The following ARSD variants were observed in gnomAD, a reference collection of about 807,000 sequenced individuals.
ARSD encodes the protein testis tissue sperm-binding protein Li 39a.
In ARSD, 21 loss-of-function variants were observed where a neutral mutation model predicts 32.6. That is an observed-to-expected ratio of 0.64 (90% CI 0.46 to 0.93). The LOEUF is 0.93. ARSD is among the 40% of genes least tolerant of loss of function. The pLI, the probability that ARSD is intolerant of heterozygous loss-of-function variation, is 0.00. For synonymous variants in ARSD, 224 were observed against 237.4 expected, an observed-to-expected ratio of 0.94 and a Z score of 0.52; for missense variants, 454 against 520.9, an observed-to-expected ratio of 0.87 and a Z score of 1.25.
Position 2,925,698 on chromosome X carries a change from C to A in ARSD, c.112G>T (p.Ala38Ser). The A allele has an allele frequency of 8.3e-7, 1 of 1,210,296 alleles. No homozygotes were observed. The highest frequency in any genetic ancestry group is 1.1e-6 in the Non-Finnish European group (1 of 894,542). The change falls in exon 2 of 10, where the codon GCC becomes TCC. Residue 38 changes from alanine to serine, a missense_variant. Ala to Ser is a moderately conservative substitution (Grantham distance 99). Coordinates refer to ENST00000381154, the MANE Select transcript of ARSD (RefSeq NM_001669.4). Reference protein sequence around the residue: ...LKTCEPKTANAFKPNILLIMA... With the variant: ...LKTCEPKTANSFKPNILLIMA... ...ATCAGTAGGATATTTGGTTTAAAGG[C>A]ATTTGCAGTTTTAGGTTCACACGTC... is the stretch of plus-strand genomic sequence containing the variant.
Position 2,915,546 on chromosome X carries a change from C to G in ARSD, c.1000+10G>C, listed in dbSNP as rs2088949207. ...AGGGTGGAGTGAGGCTCCATGGTAC[C>G]TTGACTTACCTATGAGCCAGTCCAT... On this transcript the variant is annotated intron_variant, in intron 6 of 9. Transcript: ENST00000381154. 1 of 1,209,105 alleles carries G rather than the reference C, an allele frequency of 8.3e-7. No homozygotes were observed. Among genetic ancestry groups the G allele is most frequent in the Non-Finnish European group, 1.1e-6 (1 of 894,603 alleles).
In ARSD at chrX:2,906,907, C is replaced by T. The variant is rs899737368; in HGVS notation, c.*364G>A. 16 of 134,747 alleles carry T rather than the reference C, an allele frequency of 1.2e-4. No homozygotes were observed. The highest frequency in any genetic ancestry group is 7.2e-4 in the Admixed American group (9 of 12,578). 11.1% of individuals were successfully genotyped at this position (134,747 alleles called of 1,213,427 possible). On this transcript the variant is annotated 3_prime_UTR_variant, in exon 10 of 10. Coordinates refer to ENST00000381154, the MANE Select transcript of ARSD (RefSeq NM_001669.4). ...GGTGGATGACTTGAGGTCAGGAGTG[C>T]GAGACCAGCCTGGGCAACATGGTGA...
chrX:2,914,442 G>A, intron 6 of ARSD: 1 of 477,577 alleles, frequency 2.1e-6, no homozygotes, highest in South Asian at 6.4e-5. Flanking sequence ...GTCTCACTAT[G>A]TTGCCCAGGC....
chrX:2,914,255 G>T, intron 6 of ARSD: 1 of 733,166 alleles, frequency 1.4e-6, no homozygotes, highest in Non-Finnish European at 1.6e-6. Context: ...TTGGAGACAG[G>T]GTCTTGCTAT....
chrX:2,928,645 A>G (rs2089114907), intron 1 of ARSD, among the ~76,000 whole-genome samples: 1 of 85,003 alleles, frequency 1.2e-5, no homozygotes, highest in Admixed American at 1.3e-4. Flanking sequence ...GACCCGGGGA[A>G]CACGGCCGTG....
chrX:2,928,487 A>C (rs1395468618), intron 1 of ARSD, among the ~76,000 whole-genome samples: 1 of 35,842 alleles, frequency 2.8e-5, no homozygotes, highest in African/African-American at 1.2e-4. Context: ...CGTGCTGGGA[A>C]GGCAAAGGGC....
At chrX:2,924,546 C>T (rs190614601) in intron 2 of ARSD, among the ~76,000 whole-genome samples, 4 of 113,314 alleles carry the variant, frequency 3.5e-5, no homozygotes, top group Non-Finnish European at 5.6e-5. Flanking sequence ...ACCACTCAAG[C>T]GCTCTGCTGG....
chrX:2,913,925 G>A lies in ARSD; in HGVS notation c.1000+1631C>T, dbSNP rs1241807942. 21 of 280,911 alleles carry A rather than the reference G, an allele frequency of 7.5e-5. No individual in the cohort carries two copies. The Admixed American group carries it at 9.7e-4, about 13-fold the overall frequency. The allele number at this position is 280,911 out of a possible 1,213,427, so 23.2% of individuals were successfully genotyped here. A position where few individuals can be genotyped will look rare whatever the true frequency, so the allele number is the denominator to read the frequency against. On this transcript the variant is annotated intron_variant, in intron 6 of 9. Transcript: ENST00000381154. ...GAGATCTGGTTGTTTAAAAGTGTGC[G>A]GCTCTTCCTCTCCTCTCTTGGTCCT... is the stretch of plus-strand genomic sequence containing the variant.
chrX:2,918,361 T>A, intron 4 of ARSD, 134 bp from the exon 5 acceptor site: 1 of 591,006 alleles, frequency 1.7e-6, no homozygotes, highest in Non-Finnish European at 2.6e-6. Flanking sequence ...GGAAAGGCAA[T>A]GAATGGATTG....
rs758989001 is a variant in ARSD, at chrX:2,907,638, T to G, written c.1421-6A>C. Reference sequence around the variant, plus strand: ...AACCTTCCAGACGCTTCCACCTGGATGCAGACAAGAAGGGAGTCAGGGTGG... The same window carrying G: ...AACCTTCCAGACGCTTCCACCTGGAGGCAGACAAGAAGGGAGTCAGGGTGG... On this transcript the variant is annotated splice_polypyrimidine_tract_variant and splice_region_variant and intron_variant, in intron 9 of 9. Coordinates refer to ENST00000381154, the MANE Select transcript of ARSD (RefSeq NM_001669.4). 1 of 1,100,699 alleles carries G rather than the reference T, an allele frequency of 9.1e-7. No homozygotes were observed. The highest frequency in any genetic ancestry group is 1.2e-6 in the Non-Finnish European group (1 of 841,298). The allele number at this position is 1,100,699 out of a possible 1,213,427, so 90.7% of individuals were successfully genotyped here. A position where few individuals can be genotyped will look rare whatever the true frequency, so the allele number is the denominator to read the frequency against.
chrX:2,913,335 A>G (rs2088918387), intron 6 of ARSD: 1 of 131,139 alleles, frequency 7.6e-6, no homozygotes, highest in East Asian at 2.7e-4. Context: ...ATCAGAGTTA[A>G]GGTCTGTGTG....
At chrX:2,927,633 G>C (rs969080654) in intron 1 of ARSD, among the ~76,000 whole-genome samples, 1 of 112,103 alleles carries the variant, frequency 8.9e-6, no homozygotes, top group Non-Finnish European at 1.9e-5. Context: ...CAAAAGGACC[G>C]AAGGCTTCCC....
Position 2,909,812 on chromosome X carries a change from C to G in ARSD, c.1298+5G>C, listed in dbSNP as rs756452941. On this transcript the variant is annotated splice_donor_5th_base_variant and intron_variant, in intron 8 of 9. Coordinates refer to ENST00000381154, the MANE Select transcript of ARSD (RefSeq NM_001669.4). ...CAGGGAACAGGCAGCCTTATCTCCA[C>G]GTACCTGTCCTGGGGCACCTCGCCA... 12 of 1,195,315 alleles carry G rather than the reference C, an allele frequency of 1.0e-5. No homozygotes were observed. In the Admixed American group the frequency reaches 2.0e-4, roughly 20 times the overall value.
At chrX:2,926,104 T>C (rs1419645874) in intron 1 of ARSD, among the ~76,000 whole-genome samples, 1 of 112,389 alleles carries the variant, frequency 8.9e-6, no homozygotes, top group Non-Finnish European at 1.9e-5. Context: ...CCTTCAAAGC[T>C]ATATGTCTAA....
At chrX:2,920,807 T>G (rs2089021865) in intron 3 of ARSD, 84 bp from the exon 4 acceptor site, 1 of 1,124,515 alleles carries the variant, frequency 8.9e-7, no homozygotes, top group Non-Finnish European at 1.2e-6. Flanking sequence ...GTGTCTGAGA[T>G]CTGGATTTGT....
chrX:2,914,996 T>A (rs1325158968), intron 6 of ARSD, among the ~76,000 whole-genome samples: 1 of 111,329 alleles, frequency 9.0e-6, no homozygotes, highest in Admixed American at 9.6e-5. Context: ...TGCCTCAGCC[T>A]CCCGAGTACC....
At chrX:2,918,351 G>T in intron 4 of ARSD, 124 bp from the exon 5 acceptor site, 2 of 681,797 alleles carry the variant, frequency 2.9e-6, no homozygotes, top group Non-Finnish European at 2.1e-6. Flanking sequence ...AACTGGAAAT[G>T]GAAAGGCAAT....
chrX:2,910,011 C>T (rs747453323), intron 7 of ARSD, 32 bp from the exon 8 acceptor site: 13 of 1,205,683 alleles, frequency 1.1e-5, no homozygotes, highest in East Asian at 8.9e-5. Context: ...AGGATTTTGC[C>T]GGAAACTGCC....
intron 6 of ARSD, chrX:2,914,425 G>T (rs1482001266): frequency 3.0e-5 from 15 of 501,612 alleles, no homozygotes; most frequent in Admixed American, 2.7e-4. Flanking sequence ...AGATGGGGGG[G>T]GGGGGCGTCT....
Sources: allele counts gnomAD v4.1 joint callset (sites outside exome capture counted in the v4.1 genomes callset), GRCh38; gene constraint gnomAD v4.1.1; transcripts MANE v1.5; gene names NCBI Gene and HGNC (gene_info 2026-07-23, HGNC 2026-07-21).